Variants in CCDC9 observed in about 807,000 individuals in gnomAD.
CCDC9 encodes coiled-coil domain-containing protein 9.
In CCDC9, 52 loss-of-function variants were observed where a neutral mutation model predicts 65.6. The observed-to-expected ratio is 0.79, with a 90% CI of 0.63 to 1.00. CCDC9 has a LOEUF of 1.00. Ranked by LOEUF, CCDC9 falls within the 50% of genes least tolerant of loss-of-function variation. The pLI is 0.00. For synonymous variants in CCDC9, 332 were observed against 280.3 expected (o/e 1.18, Z -1.84); for missense variants, 834 against 757.2 (o/e 1.10, Z -1.19).
Position 47,260,785 on chromosome 19 carries a change from T to C in CCDC9, c.408T>C (p.Gly136=). The change falls in exon 5 of 12, where the codon GGT becomes GGC. Residue 136 remains glycine (G), a synonymous_variant. Transcript: ENST00000221922. ...GGRGRRGRGR[G]SPHLSGAGDT... ...GTGGCCGGAGGGGCCGGGGCCGAGG[T>C]TCACCTCACCTCTCTGGAGCTGGAG... 1.2e-6 allele frequency: 2 copies of C among 1,612,898 alleles called. No homozygotes were observed. The highest frequency in any genetic ancestry group is 1.7e-4 in the Middle Eastern group (1 of 6,048).
chr19:47,262,164 G>C (rs2059050152), intron 5 of CCDC9, among the ~76,000 whole-genome samples: 1 of 151,858 alleles, frequency 6.6e-6, no homozygotes, highest in South Asian at 2.1e-4. Flanking sequence ...GTGGTCCAGG[G>C]GGTGAGGCCC....
rs769602417 is a variant in CCDC9 at position 47,264,822 on chromosome 19, G to T, written c.596G>T (p.Arg199Leu). ...GTGCGGAACTTCCTGGACGACCCCC[G>T]GCGACGCAGCGGGCCCCTGGAGGAG... ...NPVRNFLDDP[R>L]RRSGPLEESE... The change falls in exon 7 of 12, where the codon CGG becomes CTG. Residue 199 changes from arginine to leucine, a missense_variant. Transcript: ENST00000221922. The T allele has an allele frequency of 1.3e-6, 2 of 1,563,120 alleles. No individual in the cohort carries two copies. Among genetic ancestry groups the T allele is most frequent in the East Asian group, 2.3e-5 (1 of 44,288 alleles).
At position 47,260,613 on chromosome 19, in the gene CCDC9, G is replaced by A. The variant is rs531794665; in HGVS notation, c.236G>A (p.Arg79Lys). The change falls in exon 5 of 12, where the codon AGG becomes AAG. Residue 79 changes from arginine (R) to lysine (K), a missense_variant. Physicochemically the swap from Arg to Lys is conservative, Grantham distance 26. Coordinates refer to ENST00000221922, the MANE Select transcript of CCDC9 (RefSeq NM_015603.3). ...ESEKNLGPSR[R>K]SPGTPRPPGA... is the part of the protein sequence containing the mutation. ...GAGAAGAACCTGGGTCCTTCCCGGA[G>A]GTCTCCTGGGACCCCTCGGCCCCCA... 2.0e-6 allele frequency: 3 copies of A among 1,527,018 alleles called. No homozygotes were observed. The highest frequency in any genetic ancestry group is 2.1e-5 in the Admixed American group (1 of 47,378). 94.6% of individuals were successfully genotyped at this position (1,527,018 alleles called of 1,614,324 possible). A position where few individuals can be genotyped will look rare whatever the true frequency, so the allele number is the denominator to read the frequency against.
At chr19:47,270,978 C>G in intron 10 of CCDC9, 104 bp from the exon 11 acceptor site, 1 of 886,956 alleles carries the variant, frequency 1.1e-6, no homozygotes. Flanking sequence ...CTCCACCATG[C>G]CAGATGCTCT....
At chr19:47,258,134 A>G (rs2059022803) in intron 1 of CCDC9, 196 bp from the exon 2 acceptor site, 1 of 560,842 alleles carries the variant, frequency 1.8e-6, no homozygotes, top group Admixed American at 3.2e-5. Context: ...TGAGTCCACA[A>G]AGATCATGAA....
rs772756625 is a variant in CCDC9, at chr19:47,266,808, G to T, written c.902+16G>T. The stretch of plus-strand genomic sequence containing the variant: ...CCGATGGGATGTGAGTCTCCTCCCC[G>T]CTCCTCTCCCCATGTGGCACGTTGA... On this transcript the variant is annotated intron_variant, in intron 8 of 11. Coordinates refer to ENST00000221922, the MANE Select transcript of CCDC9 (RefSeq NM_015603.3). 3.8e-6 allele frequency: 6 copies of T among 1,594,744 alleles called. 1 individual carries two copies. The highest frequency in any genetic ancestry group is 2.3e-5 in the South Asian group (2 of 87,788).
Position 47,271,672 on chromosome 19 carries a change from T to A in CCDC9, c.1590T>A (p.Ser530Arg), listed in dbSNP as rs368790586. The A allele has an allele frequency of 2.5e-5, 40 of 1,588,188 alleles. No homozygotes were observed. The highest frequency in any genetic ancestry group is 2.6e-5 in the Non-Finnish European group (30 of 1,168,872). ...CGGGTGAGGCCTGGCCTTTTGAGAG[T>A]GTATGAAGCTGGCTGCCTGTGTGTG... ...LSPGEAWPFE[S>R]V The change falls in exon 12 of 12, where the codon AGT becomes AGA. Residue 530 changes from serine to arginine, a missense_variant. Transcript: ENST00000221922.
chr19:47,271,781 G>GTTTTGAGAGTGTATGAAGCTGGCT lies in CCDC9; in HGVS notation c.*103_*104insTTTTGAGAGTGTATGAAGCTGGCT. The GTTTTGAGAGTGTATGAAGCTGGCT allele has an allele frequency of 6.8e-7, 1 of 1,463,494 alleles. No individual in the cohort carries two copies. Among genetic ancestry groups the GTTTTGAGAGTGTATGAAGCTGGCT allele is most frequent in the East Asian group, 2.4e-5 (1 of 41,790 alleles). The allele number at this position is 1,463,494 out of a possible 1,614,324, so 90.7% of individuals were successfully genotyped here. On this transcript the variant is annotated 3_prime_UTR_variant, in exon 12 of 12. Transcript: ENST00000221922. ...CGCGCTAGAGGGGTGTGGCTGGTGGGGGACCCTTGGGGCTGGGCCCTGGGA... is the reference window on the plus strand; with the variant it reads ...CGCGCTAGAGGGGTGTGGCTGGTGGGTTTTGAGAGTGTATGAAGCTGGCTGGACCCTTGGGGCTGGGCCCTGGGA...
intron 1 of CCDC9, 55 bp from the exon 2 acceptor site, chr19:47,258,275 G>A: frequency 1.1e-6 from 1 of 946,820 alleles, no homozygotes; most frequent in Non-Finnish European, 1.7e-6. Flanking sequence ...ATGTTAGAGG[G>A]TGAAGTAGGT....
chr19:47,267,994 C>T (rs1486244517), intron 8 of CCDC9, among the ~76,000 whole-genome samples: 3 of 152,058 alleles, frequency 2.0e-5, no homozygotes, highest in Non-Finnish European at 2.9e-5. Flanking sequence ...ATTACAGGCA[C>T]GTGCCACCAC....
In CCDC9 at chr19:47,271,167, C is replaced by A. The variant is rs1280166324; in HGVS notation, c.1171C>A (p.Pro391Thr). The change falls in exon 11 of 12, where the codon CCC becomes ACC. Residue 391 changes from proline (P) to threonine (T), a missense_variant. Pro to Thr is a conservative substitution (Grantham distance 38). Transcript: ENST00000221922. ...TPQPTSPETSPKETPMQPPEI... is the reference protein window; with the variant it reads ...TPQPTSPETSTKETPMQPPEI... ...ACAGCCTACTTCCCCCGAGACTTCC[C>A]CCAAGGAGACACCCATGCAGGTGAG... 3 of 1,597,586 alleles carry A rather than the reference C, an allele frequency of 1.9e-6. No individual in the cohort carries two copies. Among genetic ancestry groups the A allele is most frequent in the East Asian group, 4.5e-5 (2 of 44,434 alleles).
intron 8 of CCDC9, among the ~76,000 whole-genome samples, 157 bp downstream of exon 8, chr19:47,266,949 C>T (rs576744455): frequency 3.3e-5 from 5 of 152,176 alleles, no homozygotes; most frequent in Admixed American, 6.5e-5. Context: ...CTCAGCGGCA[C>T]GTGAGAGCAT....
At position 47,256,998 on chromosome 19, in the gene CCDC9, C is replaced by G. The variant is rs1294072327; in HGVS notation, c.-72+389C>G. ...TTGGCCGGGACGTTGGGGGCGGACC[C>G]AGAGGCTGACGCAATGGCGGGGGCG... On this transcript the variant is annotated intron_variant, in intron 1 of 11. Transcript: ENST00000221922. 2.3e-5 allele frequency among the ~76,000 whole-genome samples: 3 copies of G among 129,802 alleles called. No individual in the cohort carries two copies. In the East Asian group the frequency reaches 6.7e-4, roughly 29 times the overall value. The allele number at this position is 129,802 out of a possible 152,430, so 85.2% of individuals were successfully genotyped here. A position where few individuals can be genotyped will look rare whatever the true frequency, so the allele number is the denominator to read the frequency against.
intron 10 of CCDC9, 130 bp from the exon 11 acceptor site, chr19:47,270,952 C>T (rs538426036): frequency 1.2e-4 from 90 of 773,594 alleles, no homozygotes; most frequent in South Asian, 7.8e-4. Flanking sequence ...GACACACATC[C>T]GCCATTCCCT....
rs187826474 is a variant in CCDC9 at position 47,258,010 on chromosome 19, C to T, written c.-71-320C>T. 8.7e-3 allele frequency: 2,333 copies of T among 268,752 alleles called. 15 individuals are homozygous for T. The highest frequency in any genetic ancestry group is 0.011 in the Non-Finnish European group (1,525 of 139,526). 16.6% of individuals were successfully genotyped at this position (268,752 alleles called of 1,614,324 possible). A position where few individuals can be genotyped will look rare whatever the true frequency, so the allele number is the denominator to read the frequency against. On this transcript the variant is annotated intron_variant, in intron 1 of 11. Transcript: ENST00000221922. ...CTAACACTCATACCACAGGGTGTGG[C>T]GGCTGGCCTAGAATCAGCCTTTGGA...
At chr19:47,258,787 C>CT in intron 3 of CCDC9, 124 bp downstream of exon 3, 1 of 679,258 alleles carries the variant, frequency 1.5e-6, no homozygotes, top group Non-Finnish European at 2.6e-6. Flanking sequence ...GGCCAAAGGC[C>CT]TTAGCCTGAC....
At position 47,260,314 on chromosome 19, in the gene CCDC9, C is replaced by T. The variant is rs1358706646; in HGVS notation, c.109-7C>T. On this transcript the variant is annotated splice_region_variant and splice_polypyrimidine_tract_variant and intron_variant, in intron 3 of 11. Transcript: ENST00000221922. ...GATGCTTCCCTACCCCGGCTGTCTG[C>T]TCCTAGGAGATTGAGGAAGACCGTA... 2 of 1,571,782 alleles carry T rather than the reference C, an allele frequency of 1.3e-6. No individual in the cohort carries two copies. Among genetic ancestry groups the T allele is most frequent in the Non-Finnish European group, 1.7e-6 (2 of 1,157,110 alleles).
At chr19:47,273,741 G>A (rs922822881), downstream of CCDC9, 7 of 348,532 alleles carry the variant, frequency 2.0e-5, no homozygotes, top group Non-Finnish European at 3.6e-5. Flanking sequence ...CCGCCTCCAG[G>A]ATTGCATCCG....
downstream of CCDC9, chr19:47,272,060 C>A: frequency 1.6e-6 from 2 of 1,236,852 alleles, no homozygotes; most frequent in Non-Finnish European, 2.0e-6. Flanking sequence ...TGGGGCTCCC[C>A]TTCCCTAGGA....
Sources: gnomAD v4.1 joint callset for allele counts (sites outside exome capture counted in the v4.1 genomes callset) on GRCh38, gnomAD v4.1.1 for gene constraint, MANE v1.5 for transcripts, NCBI Gene and HGNC (gene_info 2026-07-23, HGNC 2026-07-21) for gene names.